Variants in ASB18 observed in about 807,000 individuals in gnomAD.
ASB18 encodes the protein ankyrin repeat and SOCS box containing 18.
A neutral mutation model predicts 33.4 loss-of-function variants in ASB18; 33 were observed. That is an observed-to-expected ratio of 0.99 (90% CI 0.75 to 1.32). ASB18 has a LOEUF of 1.32. Among genes scored for constraint, ASB18 ranks in the 40% most tolerant of loss-of-function variants. The pLI, the probability that ASB18 is intolerant of heterozygous loss-of-function variation, is 0.00. For synonymous variants in ASB18, 295 were observed against 307.6 expected, an observed-to-expected ratio of 0.96 and a Z score of 0.43; for missense variants, 694 against 655.5, an observed-to-expected ratio of 1.06 and a Z score of -0.64.
intron 3 of ASB18, among the ~76,000 whole-genome samples, chr2:236,236,783 TGA>T (rs10559415): frequency 0.41 from 62,251 of 151,926 alleles, 13,888 homozygotes; most frequent in African/African-American, 0.6. Flanking sequence ...ATGCGGTTTC[TGA>T]GAGAGCCGCG....
In ASB18 at chr2:236,196,138, C is replaced by T; in HGVS notation, c.1215+134G>A. 1 of 704,096 alleles carries T rather than the reference C, an allele frequency of 1.4e-6. No individual in the cohort carries two copies. The highest frequency in any genetic ancestry group is 2.6e-6 in the Non-Finnish European group (1 of 377,884). 43.6% of individuals were successfully genotyped at this position (704,096 alleles called of 1,614,324 possible). A position where few individuals can be genotyped will look rare whatever the true frequency, so the allele number is the denominator to read the frequency against. ...AGAAAAAACCAGAAACGTGCAAATACACCCTCATTTCCCATTCTTCCTTTT... is the reference window on the plus strand; with the variant it reads ...AGAAAAAACCAGAAACGTGCAAATATACCCTCATTTCCCATTCTTCCTTTT... On this transcript the variant is annotated intron_variant, in intron 5 of 5. Transcript: ENST00000409749. This position sits in a 1 kb window ranked among gnomAD's most constrained non-coding sequence, Gnocchi z 5.6.
intron 3 of ASB18, among the ~76,000 whole-genome samples, chr2:236,236,954 G>A (rs1559334880): frequency 1.3e-5 from 2 of 152,158 alleles, no homozygotes; most frequent in Admixed American, 1.3e-4. Flanking sequence ...CGAGTCCTGT[G>A]CAAAGACAGG....
At chr2:236,233,348 A>C (rs556954066) in intron 3 of ASB18, among the ~76,000 whole-genome samples, 48 of 152,264 alleles carry the variant, frequency 3.2e-4, no homozygotes, top group African/African-American at 1.1e-3. Flanking sequence ...GTGGTGAATT[A>C]ATGTTTTCCT....
chr2:236,247,406 T>C (rs1288473648), intron 1 of ASB18: 1 of 152,124 alleles, frequency 6.6e-6, no homozygotes, highest in African/African-American at 2.4e-5. Flanking sequence ...AACCTAACAA[T>C]ACCCCTGCCT....
At position 236,263,867 on chromosome 2, in the gene ASB18, G is replaced by A. The variant is rs534667378; in HGVS notation, c.205+274C>T. On this transcript the variant is annotated intron_variant, in intron 1 of 5. Coordinates refer to ENST00000409749, the MANE Select transcript of ASB18 (RefSeq NM_212556.4). This position sits in a 1 kb window ranked among gnomAD's most constrained non-coding sequence, Gnocchi z 4.0. The stretch of plus-strand genomic sequence containing the variant: ...TTATCAGTGGGTGAAATTTACACAC[G>A]CAAATGGACAGGCTTGGAAAACAAT... Among the ~76,000 whole-genome samples the A allele has an allele frequency of 5.2e-4, 79 of 152,248 alleles. No individual in the cohort carries two copies. The highest frequency in any genetic ancestry group is 1.7e-3 in the African/African-American group (69 of 41,530).
In ASB18 at chr2:236,264,114, C is replaced by A. The variant is rs756091819; in HGVS notation, c.205+27G>T. On this transcript the variant is annotated intron_variant, in intron 1 of 5. Coordinates refer to ENST00000409749, the MANE Select transcript of ASB18 (RefSeq NM_212556.4). The surrounding 1 kb of genome is among the most constrained non-coding windows in gnomAD (Gnocchi z 5.1). ...TCAGTGTAACTTAGTAATTAAATCC[C>A]AGATGCAGCAGGCTCGTTCTGGTTA... 1.9e-6 allele frequency: 3 copies of A among 1,607,540 alleles called. No individual in the cohort carries two copies. In the South Asian group the frequency reaches 3.3e-5, roughly 18 times the overall value.
At position 236,253,404 on chromosome 2, in the gene ASB18, G is replaced by A. The variant is rs770875595; in HGVS notation, c.205+10737C>T. Among the ~76,000 whole-genome samples, 3 of 152,244 alleles carry A rather than the reference G, an allele frequency of 2.0e-5. No individual in the cohort carries two copies. The highest frequency in any genetic ancestry group is 2.1e-4 in the South Asian group (1 of 4,820). On this transcript the variant is annotated intron_variant, in intron 1 of 5. Coordinates refer to ENST00000409749, the MANE Select transcript of ASB18 (RefSeq NM_212556.4). This position sits in a 1 kb window ranked among gnomAD's most constrained non-coding sequence, Gnocchi z 5.4. ...TTGTTTTTATTTTTTTAAGGACAGC[G>A]TCTCACTCTGTTGCCTAGGCTAGAG...
Position 236,231,304 on chromosome 2 carries a change from C to T in ASB18, c.596+6385G>A, listed in dbSNP as rs1302952758. 6.6e-6 allele frequency among the ~76,000 whole-genome samples: 1 copy of T among 152,130 alleles called. No homozygotes were observed. The highest frequency in any genetic ancestry group is 1.5e-5 in the Non-Finnish European group (1 of 68,030). On this transcript the variant is annotated intron_variant, in intron 3 of 5. Transcript: ENST00000409749. This position sits in a 1 kb window ranked among gnomAD's most constrained non-coding sequence, Gnocchi z 5.5. ...AGTGCTATGGTTTAAATGTTTGTGT[C>T]CCTCCAAAATTCATGTTGAAACTTA...
rs2060722720 is a variant in ASB18, at chr2:236,262,341, C to A, written c.205+1800G>T. Among the ~76,000 whole-genome samples the A allele has an allele frequency of 6.6e-6, 1 of 152,216 alleles. No individual in the cohort carries two copies. The highest frequency in any genetic ancestry group is 2.4e-5 in the African/African-American group (1 of 41,470). The stretch of plus-strand genomic sequence containing the variant: ...GCCGGGTTACAGGGGCTACAGGAGA[C>A]CACTTACAGGTGGCAGCAGCCACAG... On this transcript the variant is annotated intron_variant, in intron 1 of 5. Coordinates refer to ENST00000409749, the MANE Select transcript of ASB18 (RefSeq NM_212556.4). The surrounding 1 kb of genome is among the most constrained non-coding windows in gnomAD (Gnocchi z 5.2).
rs2034669 is a variant in ASB18 at position 236,195,386 on chromosome 2, A to T, written c.1216-329T>A. Among the ~76,000 whole-genome samples, 1 of 151,810 alleles carries T rather than the reference A, an allele frequency of 6.6e-6. No homozygotes were observed. Among genetic ancestry groups the T allele is most frequent in the Non-Finnish European group, 1.5e-5 (1 of 67,952 alleles). On this transcript the variant is annotated intron_variant, in intron 5 of 5. Transcript: ENST00000409749. This position sits in a 1 kb window ranked among gnomAD's most constrained non-coding sequence, Gnocchi z 5.5. ...CCGGGGTGGCCCTGTTCATCTCCCC[A>T]AGTCATGACCAGCTCTTCCCTTCTG...
chr2:236,218,810 AAAAAAAG>A (rs1404695879), intron 3 of ASB18, among the ~76,000 whole-genome samples: 1 of 151,482 alleles, frequency 6.6e-6, no homozygotes, highest in African/African-American at 2.4e-5. Context: ...AAAAAAAAAA[AAAAAAAG>A]AAAAAGAAAC....
At position 236,255,773 on chromosome 2, in the gene ASB18, CTT is replaced by C; in HGVS notation, c.205+8366_205+8367del. ...GCCTCAAACAATATCGTCCCAATCT[CTT>C]TGCCTGGGGCTTCCTCTCTTCTCTG... is the stretch of plus-strand genomic sequence containing the variant. On this transcript the variant is annotated intron_variant, in intron 1 of 5. Coordinates refer to ENST00000409749, the MANE Select transcript of ASB18 (RefSeq NM_212556.4). This position sits in a 1 kb window ranked among gnomAD's most constrained non-coding sequence, Gnocchi z 4.4. Among the ~76,000 whole-genome samples, 1 of 152,310 alleles carries C rather than the reference CTT, an allele frequency of 6.6e-6. No homozygotes were observed. The highest frequency in any genetic ancestry group is 1.5e-5 in the Non-Finnish European group (1 of 68,032).
rs950471743 is a variant in ASB18 at position 236,225,132 on chromosome 2, GTTT to G, written c.597-10269_597-10267del. ...ATGAATCATTTTTAATTTATTTTTT[GTTT>G]TTTTAAGACAGAGTCTCACTCTGTC... On this transcript the variant is annotated intron_variant, in intron 3 of 5. Coordinates refer to ENST00000409749, the MANE Select transcript of ASB18 (RefSeq NM_212556.4). This position sits in a 1 kb window ranked among gnomAD's most constrained non-coding sequence, Gnocchi z 5.1. 9.2e-5 allele frequency among the ~76,000 whole-genome samples: 14 copies of G among 151,908 alleles called. No individual in the cohort carries two copies. The highest frequency in any genetic ancestry group is 3.1e-4 in the African/African-American group (13 of 41,376).
At position 236,237,882 on chromosome 2, in the gene ASB18, A is replaced by G. The variant is rs2060602788; in HGVS notation, c.403T>C (p.Cys135Arg). The change falls in exon 3 of 6, where the codon TGC becomes CGC. Residue 135 changes from cysteine to arginine, a missense_variant. Physicochemically the swap from Cys to Arg is radical, Grantham distance 180 (BLOSUM62 -3). Coordinates refer to ENST00000409749, the MANE Select transcript of ASB18 (RefSeq NM_212556.4). The surrounding 1 kb of genome is among the most constrained non-coding windows in gnomAD (Gnocchi z 6.2). ...CIAAAHGHTA[C>R]VRHLLGRGAD... is the part of the protein sequence containing the mutation. ...CCGCGGCCGAGCAGGTGTCGCACGCAGGCGGTGTGGCCGTGGGCCGCGGCG... is the reference window on the plus strand; with the variant it reads ...CCGCGGCCGAGCAGGTGTCGCACGCGGGCGGTGTGGCCGTGGGCCGCGGCG... 3 of 1,489,360 alleles carry G rather than the reference A, an allele frequency of 2.0e-6. No homozygotes were observed. Among genetic ancestry groups the G allele is most frequent in the Non-Finnish European group, 2.7e-6 (3 of 1,127,654 alleles). 92.3% of individuals were successfully genotyped at this position (1,489,360 alleles called of 1,614,324 possible).
rs1415773153 is a variant in ASB18, at chr2:236,214,868, T to G, written c.597-2A>C. The G allele has an allele frequency of 8.3e-7, 1 of 1,209,724 alleles. No individual in the cohort carries two copies. 74.9% of individuals were successfully genotyped at this position (1,209,724 alleles called of 1,614,324 possible). A position where few individuals can be genotyped will look rare whatever the true frequency, so the allele number is the denominator to read the frequency against. On this transcript the variant is annotated splice_acceptor_variant, in intron 3 of 5. Transcript: ENST00000409749. LOFTEE classifies it high-confidence loss of function. The surrounding 1 kb of genome is among the most constrained non-coding windows in gnomAD (Gnocchi z 6.5). ...TGCTCCAGCAGCGCCTGCGCGCACC[T>G]GTGGGAAGCCAGGGCCTGTCACTCG...
In ASB18 at chr2:236,204,709, C is replaced by T. The variant is rs2060424723; in HGVS notation, c.1102-8324G>A. Among the ~76,000 whole-genome samples the T allele has an allele frequency of 6.6e-6, 1 of 152,030 alleles. No individual in the cohort carries two copies. The highest frequency in any genetic ancestry group is 6.6e-5 in the Admixed American group (1 of 15,266). The stretch of plus-strand genomic sequence containing the variant: ...TGCCACCCATAACCTGCCCCATTCC[C>T]AAGTGATAGCAAACTCATTCTTGTA... On this transcript the variant is annotated intron_variant, in intron 4 of 5. Coordinates refer to ENST00000409749, the MANE Select transcript of ASB18 (RefSeq NM_212556.4). The surrounding 1 kb of genome is among the most constrained non-coding windows in gnomAD (Gnocchi z 5.1).
chr2:236,212,318 G>T (rs1292427572), intron 4 of ASB18, among the ~76,000 whole-genome samples: 1 of 152,134 alleles, frequency 6.6e-6, no homozygotes, highest in Non-Finnish European at 1.5e-5. Context: ...GCTTTGTCCT[G>T]CATCTCTAGT....
rs2060604725 is a variant in ASB18 at position 236,238,069 on chromosome 2, G to A, written c.329-113C>T. 4.6e-6 allele frequency: 4 copies of A among 870,020 alleles called. No homozygotes were observed. Among genetic ancestry groups the A allele is most frequent in the African/African-American group, 3.6e-5 (2 of 55,616 alleles). The allele number at this position is 870,020 out of a possible 1,614,324, so 53.9% of individuals were successfully genotyped here. ...AGCCGTCTCTTAAAGGTAGGTACCA[G>A]GTAGGCATGTAGGGAGAAGAGGATA... On this transcript the variant is annotated intron_variant, in intron 2 of 5. Coordinates refer to ENST00000409749, the MANE Select transcript of ASB18 (RefSeq NM_212556.4). The surrounding 1 kb of genome is among the most constrained non-coding windows in gnomAD (Gnocchi z 5.2).
rs950752061 is a variant in ASB18 at position 236,256,084 on chromosome 2, G to A, written c.205+8057C>T. Among the ~76,000 whole-genome samples, 1 of 152,068 alleles carries A rather than the reference G, an allele frequency of 6.6e-6. No homozygotes were observed. The highest frequency in any genetic ancestry group is 2.4e-5 in the African/African-American group (1 of 41,386). ...GCTCTCACTGTTGCCAGGTTGGAGT[G>A]CAGTGGCATGATCACGGTTCACTGC... On this transcript the variant is annotated intron_variant, in intron 1 of 5. Transcript: ENST00000409749. This position sits in a 1 kb window ranked among gnomAD's most constrained non-coding sequence, Gnocchi z 4.7.
Sources: gnomAD v4.1 joint callset for allele counts (sites outside exome capture counted in the v4.1 genomes callset) on GRCh38, gnomAD v4.1.1 for gene constraint, Gnocchi (gnomAD v3.1) non-coding constraint, MANE v1.5 for transcripts, NCBI Gene and HGNC (gene_info 2026-07-23, HGNC 2026-07-21) for gene names.